The following SASH1 variants were observed in gnomAD, a reference collection of about 807,000 sequenced individuals.
SASH1 encodes SAM and SH3 domain-containing protein 1.
SASH1 carries 44 observed loss-of-function variants against 125.2 expected under a neutral mutation model. The ratio of observed to expected loss-of-function variants is 0.35; its 90% CI spans 0.28 to 0.45. SASH1 has a LOEUF of 0.45. Ranked by LOEUF, SASH1 falls within the 20% of genes least tolerant of loss-of-function variation. The pLI is 1.00. For missense variants in SASH1, 1,426 were observed against 1,614.5 expected (o/e 0.88, Z 2.00); for synonymous variants, 639 against 649.1 (o/e 0.98, Z 0.24).
intron 6 of SASH1, among the ~76,000 whole-genome samples, chr6:148,473,539 C>A (rs1286857010): frequency 1.3e-5 from 2 of 152,196 alleles, no homozygotes; most frequent in Non-Finnish European, 2.9e-5. Flanking sequence ...CAGGCATGAG[C>A]CACTGTGCCC....
At chr6:148,228,757 A>T in the SASH1 span, among the ~76,000 whole-genome samples, 1 of 152,186 alleles carries the variant, frequency 6.6e-6, no homozygotes, top group East Asian at 1.9e-4. Context: ...GTTTTTATGG[A>T]GAAAGACAGC....
At chr6:148,494,696 C>T (rs1217806893) in intron 8 of SASH1, among the ~76,000 whole-genome samples, 4 of 152,108 alleles carry the variant, frequency 2.6e-5, no homozygotes, top group Admixed American at 6.6e-5. Flanking sequence ...CTTATAACAC[C>T]ACCTTACCTC....
Position 148,503,564 on chromosome 6 carries a change from C to T in SASH1, c.730-10760C>T, listed in dbSNP as rs184432311. 2.4e-3 allele frequency among the ~76,000 whole-genome samples: 365 copies of T among 152,194 alleles called. 5 individuals are homozygous for T. Among genetic ancestry groups the T allele is most frequent in the African/African-American group, 8.3e-3 (345 of 41,498 alleles). On this transcript the variant is annotated intron_variant, in intron 8 of 19. Coordinates refer to ENST00000367467, the MANE Select transcript of SASH1 (RefSeq NM_015278.5). Reference sequence around the variant, plus strand: ...AATGGGCTATGAAACAGTGTGGCTACGGTGCACACCAGGGGCCTGGGGTTT... The same window carrying T: ...AATGGGCTATGAAACAGTGTGGCTATGGTGCACACCAGGGGCCTGGGGTTT...
At position 148,279,726 on chromosome 6, in the gene SASH1, G is replaced by A. The variant is rs146236699; in HGVS notation, n.74+7349G>A. On this transcript the variant is annotated intron_variant and non_coding_transcript_variant, in intron 1 of 3. Transcript: ENST00000367469. ...AAAAATATTGATTGTCAGGAGTGGTGGCTCACACCTGAAATCCTAGCACTT... is the reference window on the plus strand; with the variant it reads ...AAAAATATTGATTGTCAGGAGTGGTAGCTCACACCTGAAATCCTAGCACTT... Among the ~76,000 whole-genome samples, 680 of 152,178 alleles carry A rather than the reference G, an allele frequency of 4.5e-3. 4 individuals carry two copies. Among genetic ancestry groups the A allele is most frequent in the Non-Finnish European group, 7.3e-3 (497 of 68,008 alleles).
chr6:148,431,360 G>A (rs750204927), intron 2 of SASH1, among the ~76,000 whole-genome samples: 7 of 151,986 alleles, frequency 4.6e-5, no homozygotes, highest in Non-Finnish European at 1.0e-4. Flanking sequence ...CTCCACGCCC[G>A]GCTAATTATT....
intron 7 of SASH1, 119 bp from the exon 8 acceptor site, chr6:148,487,495 G>A (rs2294779): frequency 4.2e-6 from 3 of 708,904 alleles, no homozygotes; most frequent in South Asian, 3.7e-5. Flanking sequence ...TCTGTGCTGC[G>A]TGAGCACAAG....
chr6:148,342,432 G>C (rs1781356185), upstream of SASH1, among the ~76,000 whole-genome samples: 1 of 152,208 alleles, frequency 6.6e-6, no homozygotes, highest in African/African-American at 2.4e-5. Flanking sequence ...TTGGAAACTT[G>C]TGCGGGCCGG....
At chr6:148,502,393 A>G (rs1342681451) in intron 8 of SASH1, among the ~76,000 whole-genome samples, 2 of 152,226 alleles carry the variant, frequency 1.3e-5, no homozygotes, top group Non-Finnish European at 2.9e-5. Flanking sequence ...CATATTTTCT[A>G]CTGTTACTTC....
chr6:148,242,524 G>A, the SASH1 span, among the ~76,000 whole-genome samples: 19 of 152,140 alleles, frequency 1.2e-4, no homozygotes, highest in Non-Finnish European at 1.6e-4. Context: ...CAAGTAAAGC[G>A]TCCGTTTGCA....
chr6:148,219,180 T>C, the SASH1 span, among the ~76,000 whole-genome samples: 2 of 152,164 alleles, frequency 1.3e-5, no homozygotes, highest in African/African-American at 4.8e-5. Context: ...TGCGAAACTA[T>C]TTGGCCTAGG....
chr6:148,519,269 A>G lies in SASH1; in HGVS notation c.863-278A>G, dbSNP rs1780651026. On this transcript the variant is annotated intron_variant, in intron 9 of 19. Transcript: ENST00000367467. This position sits in a 1 kb window ranked among gnomAD's most constrained non-coding sequence, Gnocchi z 4.8. Reference sequence around the variant, plus strand: ...GCTAAGGCATATTGTGATTATGGCTAGCTTAGATTTTGCAAACGGCATTTT... The same window carrying G: ...GCTAAGGCATATTGTGATTATGGCTGGCTTAGATTTTGCAAACGGCATTTT... Among the ~76,000 whole-genome samples the G allele has an allele frequency of 6.6e-6, 1 of 152,214 alleles. No individual in the cohort carries two copies. Among genetic ancestry groups the G allele is most frequent in the South Asian group, 2.1e-4 (1 of 4,828 alleles).
chr6:148,416,618 G>C (rs1014380364), intron 2 of SASH1, among the ~76,000 whole-genome samples: 1 of 152,190 alleles, frequency 6.6e-6, no homozygotes, highest in Non-Finnish European at 1.5e-5. Context: ...TGCAGGAAGA[G>C]GGGGCTCCTG....
intron 1 of SASH1, among the ~76,000 whole-genome samples, chr6:148,318,848 G>A (rs1582958433): frequency 6.6e-6 from 1 of 151,888 alleles, no homozygotes; most frequent in Non-Finnish European, 1.5e-5. Flanking sequence ...GCCACGCCCA[G>A]CTATACTACT....
At chr6:148,269,693 G>A (rs1205765687), upstream of SASH1, among the ~76,000 whole-genome samples, 2 of 151,936 alleles carry the variant, frequency 1.3e-5, no homozygotes, top group Admixed American at 6.6e-5. Flanking sequence ...AATTACCTCC[G>A]TAAAGATCCT....
intron 1 of SASH1, chr6:148,283,468 A>C (rs986853110): frequency 1.3e-5 from 2 of 152,294 alleles, no homozygotes; most frequent in Non-Finnish European, 2.9e-5. Context: ...GCACATGGTC[A>C]TAGAAAGAAC....
intron 1 of SASH1, among the ~76,000 whole-genome samples, chr6:148,353,309 TCAAG>T (rs1272689975): frequency 6.6e-6 from 1 of 152,050 alleles, no homozygotes; most frequent in Non-Finnish European, 1.5e-5. Context: ...ACTCTTGGCC[TCAAG>T]CAGTCCTCCC....
the SASH1 span, among the ~76,000 whole-genome samples, chr6:148,219,234 CA>C: frequency 2.6e-5 from 4 of 152,214 alleles, no homozygotes; most frequent in Non-Finnish European, 4.4e-5. Context: ...ATTCTCTCCT[CA>C]TTGTAGAAAT....
At position 148,531,621 on chromosome 6, in the gene SASH1, AG is replaced by A; in HGVS notation, c.1525del (p.Glu509LysfsTer13). 1 of 1,576,802 alleles carries A rather than the reference AG, an allele frequency of 6.3e-7. No homozygotes were observed. The highest frequency in any genetic ancestry group is 8.6e-7 in the Non-Finnish European group (1 of 1,162,136). On this transcript the variant is annotated frameshift_variant, in exon 13 of 20. Coordinates refer to ENST00000367467, the MANE Select transcript of SASH1 (RefSeq NM_015278.5). LOFTEE classifies it high-confidence loss of function. ...KPKLKAGGSV[E>X]SLRSSLSGQS... ...CCAAGCTCAAGGCCGGGGGTTCTGT[AG>A]AAAGTCTTCGCAGTTCTCTCAGTGG...
intron 1 of SASH1, among the ~76,000 whole-genome samples, chr6:148,387,079 G>GTCTCTCTCTC (rs147664687): frequency 2.4e-5 from 3 of 123,398 alleles, no homozygotes; most frequent in Admixed American, 7.8e-5. Context: ...TTCTCCCTCT[G>GTCTCTCTCTC]TCTCTCTCTC....
Sources: gnomAD v4.1 joint callset for allele counts (sites outside exome capture counted in the v4.1 genomes callset) on GRCh38, gnomAD v4.1.1 for gene constraint, Gnocchi (gnomAD v3.1) non-coding constraint, MANE v1.5 for transcripts, NCBI Gene and HGNC (gene_info 2026-07-23, HGNC 2026-07-21) for gene names.